The following NOS1AP variants were observed in gnomAD, a reference collection of about 807,000 sequenced individuals.
NOS1AP encodes the protein nitric oxide synthase 1 adaptor protein.
In NOS1AP, 21 loss-of-function variants were observed where a neutral mutation model predicts 56.2. That is an observed-to-expected ratio of 0.37 (90% CI 0.26 to 0.54). The LOEUF (loss-of-function observed/expected upper bound fraction) is 0.54, where lower values mean the gene tolerates loss of function less well. NOS1AP is among the 20% of genes least tolerant of loss of function. NOS1AP has a pLI of 0.84. For synonymous variants in NOS1AP, 270 were observed against 274.6 expected, an observed-to-expected ratio of 0.98 and a Z score of 0.17; for missense variants, 522 against 657.8, an observed-to-expected ratio of 0.79 and a Z score of 2.26.
intron 1 of NOS1AP, among the ~76,000 whole-genome samples, chr1:162,131,314 T>C (rs1648738045): frequency 6.6e-6 from 1 of 151,646 alleles, no homozygotes; most frequent in Admixed American, 6.6e-5. Context: ...ATCATGGACT[T>C]AACTATTCTT....
At chr1:162,322,447 T>C (rs979638878) in intron 4 of NOS1AP, among the ~76,000 whole-genome samples, 3 of 152,200 alleles carry the variant, frequency 2.0e-5, no homozygotes, top group Non-Finnish European at 4.4e-5. Flanking sequence ...TTTCCCGTCA[T>C]GGCACATGGG....
intron 4 of NOS1AP, among the ~76,000 whole-genome samples, chr1:162,327,707 C>G (rs770636753): frequency 2.6e-5 from 4 of 152,126 alleles, no homozygotes; most frequent in Non-Finnish European, 4.4e-5. Context: ...AGAAAAAAAA[C>G]ATGATCAGAG....
At chr1:162,354,420 A>G (rs1165737529) in intron 6 of NOS1AP, among the ~76,000 whole-genome samples, 1 of 152,260 alleles carries the variant, frequency 6.6e-6, no homozygotes, top group Non-Finnish European at 1.5e-5. Flanking sequence ...CAGGGCTTTC[A>G]TACATTGGTA....
At chr1:162,125,342 C>T (rs1648441758) in intron 1 of NOS1AP, among the ~76,000 whole-genome samples, 1 of 152,044 alleles carries the variant, frequency 6.6e-6, no homozygotes, top group Non-Finnish European at 1.5e-5. Flanking sequence ...CCATGTGGCC[C>T]AAGCTGGTCT....
intron 1 of NOS1AP, among the ~76,000 whole-genome samples, chr1:162,073,334 T>G (rs1295886708): frequency 6.6e-6 from 1 of 152,216 alleles, no homozygotes; most frequent in Non-Finnish European, 1.5e-5. Context: ...TGCCTTTTCA[T>G]TCAATAATTT....
chr1:162,284,348 G>T lies in NOS1AP; in HGVS notation c.178-2996G>T, dbSNP rs1655027760. 2.6e-5 allele frequency among the ~76,000 whole-genome samples: 4 copies of T among 152,202 alleles called. No homozygotes were observed. In the South Asian group the frequency reaches 8.3e-4, roughly 32 times the overall value. On this transcript the variant is annotated intron_variant, in intron 2 of 9. Coordinates refer to ENST00000361897, the MANE Select transcript of NOS1AP (RefSeq NM_014697.3). ...AATTTTTCTATTGGAAAGGGTATGGGACATCTGACCAGCAGGCAGGTGGGG... is the reference window on the plus strand; with the variant it reads ...AATTTTTCTATTGGAAAGGGTATGGTACATCTGACCAGCAGGCAGGTGGGG...
At chr1:162,209,759 C>T (rs2101645319) in intron 2 of NOS1AP, among the ~76,000 whole-genome samples, 1 of 152,078 alleles carries the variant, frequency 6.6e-6, no homozygotes, top group East Asian at 1.9e-4. Flanking sequence ...TCTCATGAAG[C>T]TGAGAGCTGG....
At position 162,298,002 on chromosome 1, in the gene NOS1AP, C is replaced by G. The variant is rs528742508; in HGVS notation, c.271-2631C>G. 4.6e-5 allele frequency among the ~76,000 whole-genome samples: 7 copies of G among 152,298 alleles called. No homozygotes were observed. In the South Asian group the frequency reaches 1.4e-3, roughly 32 times the overall value. ...GCCAGTGGGAACAGGCATAAAAGCC[C>G]CAACAAAAGCCTGCTCTCTCCAGCC... On this transcript the variant is annotated intron_variant, in intron 3 of 9. Transcript: ENST00000361897.
chr1:162,326,046 C>T (rs919204059), intron 4 of NOS1AP, among the ~76,000 whole-genome samples: 1 of 152,128 alleles, frequency 6.6e-6, no homozygotes, highest in Non-Finnish European at 1.5e-5. Flanking sequence ...CATCTGTTGT[C>T]GCATCTGAAC....
At chr1:162,172,631 A>G (rs908633985) in intron 2 of NOS1AP, among the ~76,000 whole-genome samples, 1 of 151,846 alleles carries the variant, frequency 6.6e-6, no homozygotes, top group East Asian at 1.9e-4. Context: ...ATATATCACT[A>G]TTTTCTGTGA....
chr1:162,219,004 C>G (rs1189868304), intron 2 of NOS1AP, among the ~76,000 whole-genome samples: 1 of 152,038 alleles, frequency 6.6e-6, no homozygotes, highest in Non-Finnish European at 1.5e-5. Flanking sequence ...CAGGTGAAGG[C>G]CTCAGGTGCA....
At chr1:162,145,882 C>T (rs1285273047) in intron 1 of NOS1AP, among the ~76,000 whole-genome samples, 1 of 152,142 alleles carries the variant, frequency 6.6e-6, no homozygotes, top group Non-Finnish European at 1.5e-5. Context: ...GCATTTGGGA[C>T]CCCCAAGGGA....
intron 1 of NOS1AP, among the ~76,000 whole-genome samples, chr1:162,130,714 C>A (rs1031507310): frequency 6.6e-6 from 1 of 152,198 alleles, no homozygotes; most frequent in East Asian, 1.9e-4. Flanking sequence ...CTTGACTCTG[C>A]AGTCAGCCAG....
chr1:162,305,817 G>GT (rs1305482420), intron 4 of NOS1AP, among the ~76,000 whole-genome samples: 2 of 152,194 alleles, frequency 1.3e-5, no homozygotes, highest in Admixed American at 1.3e-4. Flanking sequence ...TGGAGTTGGA[G>GT]TTCAAACTCC....
intron 3 of NOS1AP, among the ~76,000 whole-genome samples, chr1:162,288,726 T>A (rs1170490017): frequency 2.0e-5 from 3 of 152,232 alleles, no homozygotes; most frequent in Non-Finnish European, 4.4e-5. Flanking sequence ...AAGTGTTTTA[T>A]GGCTATGATG....
At chr1:162,186,175 CA>C (rs1171236698) in intron 2 of NOS1AP, among the ~76,000 whole-genome samples, 1 of 152,138 alleles carries the variant, frequency 6.6e-6, no homozygotes, top group African/African-American at 2.4e-5. Context: ...CTCAGTGAAG[CA>C]ACATTCTGGT....
At chr1:162,246,754 A>G (rs758049572) in intron 2 of NOS1AP, among the ~76,000 whole-genome samples, 14 of 152,208 alleles carry the variant, frequency 9.2e-5, no homozygotes, top group Non-Finnish European at 1.5e-4. Context: ...ACAGTATATG[A>G]TATGTGGGGT....
intron 2 of NOS1AP, among the ~76,000 whole-genome samples, chr1:162,265,297 A>G (rs1654385407): frequency 6.6e-6 from 1 of 151,366 alleles, no homozygotes; most frequent in Non-Finnish European, 1.5e-5. Flanking sequence ...TTACATATAT[A>G]TACATGTGCC....
chr1:162,138,777 C>A (rs965398370), intron 1 of NOS1AP, among the ~76,000 whole-genome samples: 8 of 152,324 alleles, frequency 5.3e-5, no homozygotes, highest in Non-Finnish European at 1.0e-4. Flanking sequence ...ACCTGTGGCA[C>A]CCCTAGTGTG....
Sources: allele counts gnomAD v4.1 joint callset (sites outside exome capture counted in the v4.1 genomes callset), GRCh38; gene constraint gnomAD v4.1.1; transcripts MANE v1.5; gene names NCBI Gene and HGNC (gene_info 2026-07-23, HGNC 2026-07-21).